The following SMC1A variants were observed in gnomAD, a reference collection of about 807,000 sequenced individuals.
The protein encoded by SMC1A is structural maintenance of chromosomes 1A, also known as structural maintenance of chromosomes protein 1A.
SMC1A carries 4 observed loss-of-function variants against 94.5 expected under a neutral mutation model. The observed-to-expected ratio is 0.04, with a 90% confidence interval of 0.02 to 0.10. SMC1A has a LOEUF of 0.10. Ranked by LOEUF, SMC1A falls within the 10% of genes least tolerant of loss-of-function variation. The pLI is 1.00. For missense variants in SMC1A, 304 were observed against 989.0 expected (o/e 0.31, Z 9.29); for synonymous variants, 345 against 347.7 (o/e 0.99, Z 0.09).
At chrX:53,408,708 C>T (rs1344123586) in intron 9 of SMC1A, among the ~76,000 whole-genome samples, 1 of 110,479 alleles carries the variant, frequency 9.1e-6, no homozygotes, top group Non-Finnish European at 1.9e-5. Context: ...CATGGCCCCA[C>T]CTGCTTCCAA....
intron 1 of SMC1A, among the ~76,000 whole-genome samples, chrX:53,419,536 A>AG (rs199612303): frequency 0.017 from 1,796 of 108,627 alleles, 42 homozygotes; most frequent in African/African-American, 0.057. Context: ...CCAAAAAAAA[A>AG]AAAAATAGGC....
intron 1 of SMC1A, among the ~76,000 whole-genome samples, chrX:53,420,099 A>G (rs2075748885): frequency 8.9e-6 from 1 of 112,204 alleles, no homozygotes; most frequent in Non-Finnish European, 1.9e-5. Flanking sequence ...TCTCTATTGG[A>G]GTGGCAGGAG....
chrX:53,386,270 C>T (rs2075604340), intron 19 of SMC1A, among the ~76,000 whole-genome samples: 1 of 110,678 alleles, frequency 9.0e-6, no homozygotes, highest in African/African-American at 3.3e-5. Flanking sequence ...AAGATCAATG[C>T]CATGAATAAA....
intron 1 of SMC1A, among the ~76,000 whole-genome samples, chrX:53,419,891 G>A (rs1364819775): frequency 1.8e-5 from 2 of 109,590 alleles, no homozygotes; most frequent in East Asian, 2.9e-4. Context: ...GCAGTGAGCC[G>A]AGGTCATGCC....
At chrX:53,418,977 GT>G (rs1267777604) in intron 1 of SMC1A, among the ~76,000 whole-genome samples, 1 of 102,518 alleles carries the variant, frequency 9.8e-6, no homozygotes, top group Non-Finnish European at 2.0e-5. Flanking sequence ...GGAGGTGGAG[GT>G]TACAGTGAGC....
intron 20 of SMC1A, among the ~76,000 whole-genome samples, 162 bp downstream of exon 20, chrX:53,382,935 G>A (rs1556886104): frequency 3.6e-5 from 4 of 111,315 alleles, no homozygotes; most frequent in African/African-American, 6.5e-5. Flanking sequence ...GCAATTTTCC[G>A]TTCTATAAAG....
rs1352374586 is a variant in SMC1A at position 53,415,239 on chromosome X, T to C, written c.110-70A>G. 24 of 929,106 alleles carry C rather than the reference T, an allele frequency of 2.6e-5. No individual in the cohort carries two copies. In the South Asian group the frequency reaches 4.5e-4, roughly 17 times the overall value. The allele number at this position is 929,106 out of a possible 1,213,427, so 76.6% of individuals were successfully genotyped here. A position where few individuals can be genotyped will look rare whatever the true frequency, so the allele number is the denominator to read the frequency against. ...GAGGAGAGGAAAAGGAATAAAGATA[T>C]TGAGATGAACAAAAATGTCCCCTAA... On this transcript the variant is annotated intron_variant, in intron 1 of 24. Coordinates refer to ENST00000322213, the MANE Select transcript of SMC1A (RefSeq NM_006306.4).
intron 15 of SMC1A, among the ~76,000 whole-genome samples, chrX:53,401,979 C>T (rs782771460): frequency 1.9e-5 from 2 of 106,964 alleles, no homozygotes; most frequent in South Asian, 8.0e-4. Flanking sequence ...CATTGGGTTT[C>T]TTGTCATTGT....
chrX:53,380,931 C>T (rs2075579887), intron 23 of SMC1A, 87 bp downstream of exon 23: 6 of 823,990 alleles, frequency 7.3e-6, no homozygotes, highest in Middle Eastern at 2.8e-4. Flanking sequence ...GCAGCAGGAA[C>T]GGCTAGGGCA....
intron 19 of SMC1A, 53 bp downstream of exon 19, chrX:53,394,725 T>C: frequency 1.6e-6 from 1 of 633,762 alleles, no homozygotes; most frequent in Non-Finnish European, 2.6e-6. Context: ...AGGAAGATAG[T>C]CCCACTCCCA....
rs922762466 is a variant in SMC1A at position 53,375,415 on chromosome X, G to A, written c.*4688C>T. ...CCTCTGAGGACCTCAGAAGGGGTTT[G>A]GGCAGTCTTCCCTTACAAGTCTGAC... is the stretch of plus-strand genomic sequence containing the variant. On this transcript the variant is annotated 3_prime_UTR_variant, in exon 25 of 25. Coordinates refer to ENST00000322213, the MANE Select transcript of SMC1A (RefSeq NM_006306.4). 1 of 111,531 alleles carries A rather than the reference G, an allele frequency of 9.0e-6. No individual in the cohort carries two copies. Among genetic ancestry groups the A allele is most frequent in the African/African-American group, 3.3e-5 (1 of 30,596 alleles). The allele number at this position is 111,531 out of a possible 1,213,427, so 9.2% of individuals were successfully genotyped here.
At chrX:53,416,936 A>AT (rs1253903276) in intron 1 of SMC1A, among the ~76,000 whole-genome samples, 2 of 109,714 alleles carry the variant, frequency 1.8e-5, no homozygotes, top group African/African-American at 3.3e-5. Context: ...ACCTGAATCT[A>AT]TTTTTTTCCT....
chrX:53,378,012 G>C lies in SMC1A; in HGVS notation c.*2091C>G, dbSNP rs1301737928. 1 of 112,091 alleles carries C rather than the reference G, an allele frequency of 8.9e-6. No homozygotes were observed. The highest frequency in any genetic ancestry group is 2.8e-4 in the East Asian group (1 of 3,616). The allele number at this position is 112,091 out of a possible 1,213,427, so 9.2% of individuals were successfully genotyped here. The stretch of plus-strand genomic sequence containing the variant: ...TAGTTATGTCTTTTAATATGTATTA[G>C]AAGAATACATAATTAGCACACATCA... On this transcript the variant is annotated 3_prime_UTR_variant, in exon 25 of 25. Coordinates refer to ENST00000322213, the MANE Select transcript of SMC1A (RefSeq NM_006306.4).
chrX:53,421,336 C>T (rs1252321066), intron 1 of SMC1A, among the ~76,000 whole-genome samples: 3 of 111,908 alleles, frequency 2.7e-5, no homozygotes, highest in Non-Finnish European at 5.6e-5. Context: ...TGTTAAACAT[C>T]CTACAATGCA....
Position 53,374,816 on chromosome X carries a change from T to G in SMC1A, c.*5287A>C, listed in dbSNP as rs2075554189. On this transcript the variant is annotated 3_prime_UTR_variant, in exon 25 of 25. Transcript: ENST00000322213. ...TGGTTTCTGCAGCTTTCTCTTTGCT[T>G]TTGCTGTTTAGTTTCTGGCCACCCC... is the stretch of plus-strand genomic sequence containing the variant. 1 of 112,721 alleles carries G rather than the reference T, an allele frequency of 8.9e-6. No individual in the cohort carries two copies. Among genetic ancestry groups the G allele is most frequent in the Admixed American group, 9.4e-5 (1 of 10,604 alleles). 9.3% of individuals were successfully genotyped at this position (112,721 alleles called of 1,213,427 possible).
At chrX:53,380,580 G>T in intron 24 of SMC1A, 40 bp downstream of exon 24, 1 of 883,958 alleles carries the variant, frequency 1.1e-6, no homozygotes, top group Non-Finnish European at 1.7e-6. Flanking sequence ...GGGAAATCAG[G>T]CAGGGAGTAG....
At chrX:53,422,079 G>T (rs1234345664) in intron 1 of SMC1A, 1 of 1,181,661 alleles carries the variant, frequency 8.5e-7, no homozygotes, top group African/African-American at 1.7e-5. Context: ...GAAGGCCACG[G>T]GAGAGCTACC....
chrX:53,422,721 C>T, upstream of SMC1A: 1 of 522,806 alleles, frequency 1.9e-6, no homozygotes, highest in South Asian at 2.4e-5. Flanking sequence ...GAGAATACGT[C>T]CAGGCCTAAC....
chrX:53,415,505 A>T (rs1418805660), intron 1 of SMC1A, among the ~76,000 whole-genome samples: 3 of 110,413 alleles, frequency 2.7e-5, no homozygotes, highest in African/African-American at 9.9e-5. Flanking sequence ...TTGGACAACA[A>T]GGCAAAACCC....
Sources: gnomAD v4.1 joint callset for allele counts (sites outside exome capture counted in the v4.1 genomes callset) on GRCh38, gnomAD v4.1.1 for gene constraint, MANE v1.5 for transcripts, NCBI Gene and HGNC (gene_info 2026-07-23, HGNC 2026-07-21) for gene names.